MPHOSPH10: variants seen among roughly 807,000 people sequenced by gnomAD.
MPHOSPH10 encodes U3 small nucleolar ribonucleoprotein MPP10.
In MPHOSPH10, 33 loss-of-function variants were observed where a neutral mutation model predicts 77.3. That is an observed-to-expected ratio of 0.43 (90% CI 0.32 to 0.57). MPHOSPH10 has a LOEUF of 0.57. Among genes scored for constraint, MPHOSPH10 ranks in the 20% least tolerant of loss-of-function variants. The probability of loss-of-function intolerance (pLI) is 0.07; values close to 1 mark genes in which losing one functional copy is unlikely to be tolerated. For missense variants in MPHOSPH10, 708 were observed against 780.1 expected, an observed-to-expected ratio of 0.91 and a Z score of 1.10; for synonymous variants, 245 against 268.0, an observed-to-expected ratio of 0.91 and a Z score of 0.84.
At chr2:71,142,880 T>C (rs1029603394) in intron 7 of MPHOSPH10, among the ~76,000 whole-genome samples, 1 of 152,204 alleles carries the variant, frequency 6.6e-6, no homozygotes, top group Admixed American at 6.5e-5. Context: ...GGTTTCTTTT[T>C]TTCATGTCTT....
At chr2:71,132,765 T>TG in intron 1 of MPHOSPH10, 133 bp from the exon 2 acceptor site, 1 of 1,200,496 alleles carries the variant, frequency 8.3e-7, no homozygotes, top group Non-Finnish European at 1.1e-6. Flanking sequence ...TATATGTTGT[T>TG]GGGGGCCAGA....
intron 1 of MPHOSPH10, among the ~76,000 whole-genome samples, chr2:71,131,704 T>C (rs1205304266): frequency 6.6e-6 from 1 of 152,100 alleles, no homozygotes; most frequent in Non-Finnish European, 1.5e-5. Flanking sequence ...GAGGACGGGG[T>C]CACAAGGTAC....
intron 4 of MPHOSPH10, among the ~76,000 whole-genome samples, chr2:71,136,913 AACACAC>A (rs56768441): frequency 0.18 from 21,766 of 118,920 alleles, 2,197 homozygotes; most frequent in East Asian, 0.24. Flanking sequence ...GTAGCATTAA[AACACAC>A]ACACACACAC....
At chr2:71,131,619 G>C (rs1306024514) in intron 1 of MPHOSPH10, among the ~76,000 whole-genome samples, 4 of 152,182 alleles carry the variant, frequency 2.6e-5, no homozygotes, top group Non-Finnish European at 5.9e-5. Flanking sequence ...TAATGGTGAT[G>C]GGGAAGGGGT....
intron 4 of MPHOSPH10, among the ~76,000 whole-genome samples, chr2:71,137,316 A>G (rs950274231): frequency 6.6e-6 from 1 of 152,182 alleles, no homozygotes. Flanking sequence ...GTTGATTAAC[A>G]TTCTTTTAGA....
chr2:71,130,820 C>T, intron 1 of MPHOSPH10, 66 bp downstream of exon 1: 1 of 1,468,886 alleles, frequency 6.8e-7, no homozygotes, highest in Non-Finnish European at 9.3e-7. Flanking sequence ...TTGCAGGCCT[C>T]CGGCAAATTG....
At chr2:71,138,419 A>G (rs1572898706) in intron 4 of MPHOSPH10, 71 bp from the exon 5 acceptor site, 1 of 1,208,424 alleles carries the variant, frequency 8.3e-7, no homozygotes. Context: ...TTTTTAAATT[A>G]TTTTTTGCTT....
At chr2:71,143,176 T>C (rs1673642380) in intron 7 of MPHOSPH10, among the ~76,000 whole-genome samples, 1 of 150,650 alleles carries the variant, frequency 6.6e-6, no homozygotes, top group Admixed American at 6.6e-5. Flanking sequence ...GGAGTCTTGC[T>C]CGGTTGCCAG....
intron 5 of MPHOSPH10, chr2:71,138,995 G>A: frequency 2.0e-6 from 1 of 510,302 alleles, no homozygotes; most frequent in Non-Finnish European, 3.5e-6. Flanking sequence ...GGTTGTGCCA[G>A]TGTGCTCCAG....
chr2:71,136,913 A>AACACACACACACACACACACACACAC (rs56768441), intron 4 of MPHOSPH10, among the ~76,000 whole-genome samples: 1 of 119,040 alleles, frequency 8.4e-6, no homozygotes, highest in African/African-American at 3.4e-5. Context: ...GTAGCATTAA[A>AACACACACACACACACACACACACAC]ACACACACAC....
intron 1 of MPHOSPH10, among the ~76,000 whole-genome samples, chr2:71,132,624 A>G (rs1445995806): frequency 6.6e-6 from 1 of 152,222 alleles, no homozygotes; most frequent in Admixed American, 6.5e-5. Flanking sequence ...AGCAGAATTG[A>G]TAATTTAAGG....
chr2:71,130,791 G>A (rs750979585), intron 1 of MPHOSPH10, 37 bp downstream of exon 1: 38 of 1,568,646 alleles, frequency 2.4e-5, no homozygotes, highest in Non-Finnish European at 3.2e-5. Context: ...GTGCGACCGG[G>A]GTCTCACGTG....
Position 71,149,883 on chromosome 2 carries a change from G to A in MPHOSPH10, c.1914G>A (p.Lys638=). Residue 638 remains lysine, a synonymous_variant, in exon 11 of 11, where the codon AAG becomes AAA. Transcript: ENST00000244230. ...ASFIKDEGKD[K]ALKSSQAFFS... ...AATTGCAGGATGAAGGTAAAGACAA[G>A]GCCTTAAAGTCCTCTCAAGCATTCT... is the stretch of plus-strand genomic sequence containing the variant. 6.4e-7 allele frequency: 1 copy of A among 1,550,976 alleles called. No homozygotes were observed. The highest frequency in any genetic ancestry group is 1.3e-5 in the South Asian group (1 of 79,868).
rs1424140670 is a variant in MPHOSPH10 at position 71,149,498 on chromosome 2, G to A, written c.1896+45G>A. The A allele has an allele frequency of 2.6e-6, 4 of 1,542,742 alleles. No individual in the cohort carries two copies. In the East Asian group the frequency reaches 6.8e-5, roughly 26 times the overall value. On this transcript the variant is annotated intron_variant, in intron 10 of 10. Transcript: ENST00000244230. ...AACTGCTCAAGGGGACCTTTGTGGG[G>A]GAAGTGGATAGCAAGTGCTGGGTGA...
chr2:71,141,217 C>A lies in MPHOSPH10; in HGVS notation c.1309-15C>A. On this transcript the variant is annotated splice_polypyrimidine_tract_variant and intron_variant, in intron 6 of 10. Transcript: ENST00000244230. ...TGTAGGTTTTGTTATGTTCTACCTG[C>A]ACTTTATGTTTCAGGCTTGGGATGA... The A allele has an allele frequency of 7.1e-7, 1 of 1,399,816 alleles. No individual in the cohort carries two copies. The highest frequency in any genetic ancestry group is 9.3e-7 in the Non-Finnish European group (1 of 1,071,456). 86.7% of individuals were successfully genotyped at this position (1,399,816 alleles called of 1,614,324 possible). A position where few individuals can be genotyped will look rare whatever the true frequency, so the allele number is the denominator to read the frequency against.
intron 1 of MPHOSPH10, among the ~76,000 whole-genome samples, chr2:71,132,099 C>T (rs1008284748): frequency 6.6e-6 from 1 of 152,178 alleles, no homozygotes. Context: ...CTTTAGCAAT[C>T]CTGTCAGTTC....
intron 4 of MPHOSPH10, among the ~76,000 whole-genome samples, chr2:71,136,257 C>A (rs1673487234): frequency 6.6e-6 from 1 of 152,082 alleles, no homozygotes; most frequent in African/African-American, 2.4e-5. Flanking sequence ...CACAGTGGCT[C>A]ACACCTGCAC....
intron 7 of MPHOSPH10, among the ~76,000 whole-genome samples, chr2:71,142,150 G>A (rs1673626000): frequency 6.6e-6 from 1 of 152,086 alleles, no homozygotes; most frequent in Non-Finnish European, 1.5e-5. Context: ...TGATTTATTG[G>A]GAATGTGGGT....
chr2:71,149,241 G>T lies in MPHOSPH10; in HGVS notation c.1684G>T (p.Asp562Tyr), dbSNP rs761295943. Residue 562 changes from aspartate (D) to tyrosine (Y), a missense_variant, in exon 10 of 11, where the codon GAT (aspartate) becomes TAT (tyrosine). Around this residue, in one of 3 missense-constraint regions of MPHOSPH10, gnomAD observed 263 missense variants for 320.0 expected, o/e 0.82. Coordinates refer to ENST00000244230, the MANE Select transcript of MPHOSPH10 (RefSeq NM_005791.3). The part of the protein sequence containing the change: ...EEIKEKNKAG[D>Y]IKTAAEKTAT... ...TTAATAGGAGAAAAATAAAGCTGGAGATATAAAAACAGCTGCTGAAAAAAC... is the reference window on the plus strand; with the variant it reads ...TTAATAGGAGAAAAATAAAGCTGGATATATAAAAACAGCTGCTGAAAAAAC... 2 of 1,569,952 alleles carry T rather than the reference G, an allele frequency of 1.3e-6. No homozygotes were observed. Among genetic ancestry groups the T allele is most frequent in the Non-Finnish European group, 1.7e-6 (2 of 1,159,324 alleles).
Sources: gnomAD v4.1 joint callset for allele counts (sites outside exome capture counted in the v4.1 genomes callset) on GRCh38, gnomAD v4.1.1 for gene constraint, gnomAD v4.1.1 regional missense constraint, MANE v1.5 for transcripts, NCBI Gene and HGNC (gene_info 2026-07-23, HGNC 2026-07-21) for gene names.